Variants in COLEC10 observed in about 807,000 individuals in gnomAD.
The protein encoded by COLEC10 is collectin subfamily member 10.
COLEC10 carries 22 observed loss-of-function variants against 28.4 expected under a neutral mutation model. The ratio of observed to expected loss-of-function variants is 0.78; its 90% CI spans 0.55 to 1.11. The LOEUF is 1.11. Among genes scored for constraint, COLEC10 ranks in the 50% least tolerant of loss-of-function variants. The pLI, the probability that COLEC10 is intolerant of heterozygous loss-of-function variation, is 0.00. For synonymous variants in COLEC10, 125 were observed against 116.1 expected, an observed-to-expected ratio of 1.08 and a Z score of -0.49; for missense variants, 361 against 344.1, an observed-to-expected ratio of 1.05 and a Z score of -0.39.
intron 1 of COLEC10, among the ~76,000 whole-genome samples, chr8:119,000,590 A>G (rs1476287509): frequency 6.6e-6 from 1 of 152,184 alleles, no homozygotes; most frequent in Non-Finnish European, 1.5e-5. Context: ...GAGTCTAAGC[A>G]GGAAAAGAAG....
At chr8:119,067,543 C>A in intron 1 of COLEC10, 114 bp downstream of exon 1, 1 of 984,308 alleles carries the variant, frequency 1.0e-6, no homozygotes, top group Non-Finnish European at 1.5e-6. Context: ...AGTTTCCTCC[C>A]ATTTTCCTTC....
At chr8:119,004,324 T>C (rs1022653335) in intron 1 of COLEC10, among the ~76,000 whole-genome samples, 5 of 151,998 alleles carry the variant, frequency 3.3e-5, no homozygotes, top group African/African-American at 7.2e-5. Flanking sequence ...CATGCCATTA[T>C]TTCTAGTGTC....
chr8:118,975,383 C>T, the COLEC10 span, among the ~76,000 whole-genome samples: 19 of 151,998 alleles, frequency 1.3e-4, no homozygotes, highest in African/African-American at 1.9e-4. Context: ...TGTTATCTTA[C>T]GGACAATTTT....
intron 2 of COLEC10, among the ~76,000 whole-genome samples, chr8:119,047,852 C>T (rs1814611939): frequency 6.6e-6 from 1 of 152,080 alleles, no homozygotes; most frequent in South Asian, 2.1e-4. Context: ...ATCTTTCTCT[C>T]TCTATATATA....
chr8:119,011,112 C>A (rs1424611367), intron 2 of COLEC10, among the ~76,000 whole-genome samples: 2 of 150,902 alleles, frequency 1.3e-5, no homozygotes, highest in African/African-American at 5.0e-5. Flanking sequence ...GTTTTATAGT[C>A]TACATTTTAC....
At chr8:119,078,569 T>C (rs1243777461) in intron 1 of COLEC10, among the ~76,000 whole-genome samples, 1 of 152,108 alleles carries the variant, frequency 6.6e-6, no homozygotes, top group African/African-American at 2.4e-5. Flanking sequence ...CATGTGAACA[T>C]CAATGGAAAA....
At chr8:119,044,725 C>T (rs1814557874) in intron 2 of COLEC10, among the ~76,000 whole-genome samples, 3 of 151,664 alleles carry the variant, frequency 2.0e-5, no homozygotes, top group Admixed American at 2.0e-4. Flanking sequence ...CGTGGTGGCT[C>T]ACGTCTGTAA....
chr8:119,065,091 T>C (rs1047789761), upstream of COLEC10, among the ~76,000 whole-genome samples: 1 of 152,182 alleles, frequency 6.6e-6, no homozygotes, highest in Non-Finnish European at 1.5e-5. Context: ...AATTCATGTG[T>C]TGAAGTTCTG....
At chr8:119,075,768 C>G (rs185243476) in intron 1 of COLEC10, among the ~76,000 whole-genome samples, 1 of 152,028 alleles carries the variant, frequency 6.6e-6, no homozygotes, top group African/African-American at 2.4e-5. Flanking sequence ...GAGGAGAAAC[C>G]CTGTGCCCCC....
intron 1 of COLEC10, among the ~76,000 whole-genome samples, chr8:118,996,517 A>G (rs914615720): frequency 6.6e-6 from 1 of 152,154 alleles, no homozygotes; most frequent in Non-Finnish European, 1.5e-5. Context: ...ATCTTTGCCA[A>G]CACTTGTCTT....
At chr8:118,979,375 T>C in the COLEC10 span, among the ~76,000 whole-genome samples, 107 of 152,116 alleles carry the variant, frequency 7.0e-4, no homozygotes, top group African/African-American at 2.6e-3. Context: ...CATCCAATAT[T>C]CCATAAATTC....
intron 1 of COLEC10, chr8:119,067,783 CTGTTTG>C: frequency 5.6e-6 from 1 of 179,584 alleles, no homozygotes; most frequent in Non-Finnish European, 1.2e-5. Flanking sequence ...TATTATTGCA[CTGTTTG>C]TACTCTCCTC....
intron 2 of COLEC10, among the ~76,000 whole-genome samples, chr8:119,015,964 C>T (rs1236640357): frequency 1.3e-5 from 2 of 152,150 alleles, no homozygotes; most frequent in Non-Finnish European, 2.9e-5. Flanking sequence ...ATTGAATCCT[C>T]ACAACCAACT....
Position 119,005,354 on chromosome 8 carries a change from C to T in COLEC10, n.123-4087C>T, listed in dbSNP as rs567394727. Among the ~76,000 whole-genome samples the T allele has an allele frequency of 2.5e-4, 38 of 152,270 alleles. 2 individuals are homozygous for T. In the South Asian group the frequency reaches 7.7e-3, roughly 31 times the overall value. ...GTTCTGTATTGAATTCAACAAGCTT[C>T]ACTCAGGTACATTCTGAAAATGCCT... On this transcript the variant is annotated intron_variant and non_coding_transcript_variant, in intron 1 of 6. Transcript: ENST00000521788.
intron 2 of COLEC10, among the ~76,000 whole-genome samples, chr8:119,025,403 T>G (rs1364782919): frequency 6.6e-6 from 1 of 152,198 alleles, no homozygotes; most frequent in Admixed American, 6.5e-5. Context: ...CAGAAATGGA[T>G]TCTGTGCTCT....
rs943441026 is a variant in COLEC10 at position 119,068,746 on chromosome 8, T to G, written c.148+1317T>G. On this transcript the variant is annotated intron_variant, in intron 1 of 5. Transcript: ENST00000332843. ...TCCTCCTGAGCATCTGCAGACATTATGAGATAATTACAAGCCAGAGTGTGA... is the reference window on the plus strand; with the variant it reads ...TCCTCCTGAGCATCTGCAGACATTAGGAGATAATTACAAGCCAGAGTGTGA... 3.3e-5 allele frequency: 5 copies of G among 151,974 alleles called. No individual in the cohort carries two copies. In the South Asian group the frequency reaches 1.0e-3, roughly 32 times the overall value. 9.4% of individuals were successfully genotyped at this position (151,974 alleles called of 1,614,324 possible). A position where few individuals can be genotyped will look rare whatever the true frequency, so the allele number is the denominator to read the frequency against.
intron 2 of COLEC10, among the ~76,000 whole-genome samples, chr8:119,013,173 A>G (rs1813930726): frequency 6.7e-6 from 1 of 150,360 alleles, no homozygotes; most frequent in South Asian, 2.1e-4. Flanking sequence ...TTTTATTTTC[A>G]TTTAATTTAA....
intron 2 of COLEC10, among the ~76,000 whole-genome samples, chr8:119,017,684 T>G (rs765408051): frequency 3.3e-5 from 5 of 152,190 alleles, no homozygotes; most frequent in Non-Finnish European, 7.3e-5. Flanking sequence ...TGCATACCAC[T>G]GTGATTTTAA....
the COLEC10 span, among the ~76,000 whole-genome samples, chr8:118,977,095 A>C: frequency 2.0e-5 from 3 of 150,522 alleles, no homozygotes; most frequent in Admixed American, 1.3e-4. Flanking sequence ...AAAAGTCAGG[A>C]AACAACAGGT....
Sources: allele counts gnomAD v4.1 joint callset (sites outside exome capture counted in the v4.1 genomes callset), GRCh38; gene constraint gnomAD v4.1.1; transcripts MANE v1.5; gene names NCBI Gene and HGNC (gene_info 2026-07-23, HGNC 2026-07-21).